LHFPL6: variants seen among roughly 807,000 people sequenced by gnomAD.
LHFPL6 encodes the protein LHFPL tetraspan subfamily member 6, also known as LHFPL tetraspan subfamily member 6 protein.
In LHFPL6, 9 loss-of-function variants were observed where a neutral mutation model predicts 20.6. The ratio of observed to expected loss-of-function variants is 0.44; its 90% CI spans 0.26 to 0.76. The LOEUF is 0.76. Among genes scored for constraint, LHFPL6 ranks in the 30% least tolerant of loss-of-function variants. The pLI is 0.20. For synonymous variants in LHFPL6, 105 were observed against 98.7 expected (o/e 1.06, Z -0.38); for missense variants, 218 against 253.5 (o/e 0.86, Z 0.95).
At position 39,343,460 on chromosome 13, in the gene LHFPL6, A is replaced by G. The variant is rs1869301229; in HGVS notation, c.*476T>C. On this transcript the variant is annotated 3_prime_UTR_variant, in exon 4 of 4. Transcript: ENST00000379589. ...CTGTATGTGCTTGTGTGCTTTTGGGAGTGCCGTGACCTACAGGGAACATCT... is the reference window on the plus strand; with the variant it reads ...CTGTATGTGCTTGTGTGCTTTTGGGGGTGCCGTGACCTACAGGGAACATCT... The G allele has an allele frequency of 1.3e-5, 3 of 232,340 alleles. No individual in the cohort carries two copies. The highest frequency in any genetic ancestry group is 3.6e-4 in the South Asian group (2 of 5,500). 14.4% of individuals were successfully genotyped at this position (232,340 alleles called of 1,614,324 possible). A position where few individuals can be genotyped will look rare whatever the true frequency, so the allele number is the denominator to read the frequency against.
chr13:39,517,996 T>G (rs1869980820), intron 2 of LHFPL6, among the ~76,000 whole-genome samples: 1 of 152,256 alleles, frequency 6.6e-6, no homozygotes, highest in Non-Finnish European at 1.5e-5. Flanking sequence ...AATAAGCTAC[T>G]GGCTGGGATT....
At chr13:39,413,355 A>T (rs1290085296) in intron 2 of LHFPL6, among the ~76,000 whole-genome samples, 1 of 152,082 alleles carries the variant, frequency 6.6e-6, no homozygotes, top group East Asian at 1.9e-4. Context: ...AAATATCCTA[A>T]TCTTTAAAGT....
At chr13:39,379,448 T>C (rs1265870363) in intron 2 of LHFPL6, among the ~76,000 whole-genome samples, 2 of 152,158 alleles carry the variant, frequency 1.3e-5, no homozygotes, top group African/African-American at 4.8e-5. Flanking sequence ...GTTGGGGAAG[T>C]GGCTTATCAG....
At position 39,343,379 on chromosome 13, in the gene LHFPL6, C is replaced by T. The variant is rs1869298466; in HGVS notation, c.*557G>A. The T allele has an allele frequency of 1.3e-5, 3 of 231,108 alleles. No homozygotes were observed. The South Asian group carries it at 5.5e-4, about 42-fold the overall frequency. 14.3% of individuals were successfully genotyped at this position (231,108 alleles called of 1,614,324 possible). ...AGAGGAGAAATGCACCACTAAACCT[C>T]CCAGTCTGTGCGATAATCCACGTTT... On this transcript the variant is annotated 3_prime_UTR_variant, in exon 4 of 4. Coordinates refer to ENST00000379589, the MANE Select transcript of LHFPL6 (RefSeq NM_005780.3).
intron 2 of LHFPL6, among the ~76,000 whole-genome samples, chr13:39,400,728 A>C (rs1870965733): frequency 8.0e-6 from 1 of 125,020 alleles, no homozygotes; most frequent in Admixed American, 1.0e-4. Context: ...GCTTGCAGTG[A>C]GCCGAGATCC....
intron 2 of LHFPL6, among the ~76,000 whole-genome samples, chr13:39,390,121 C>A (rs1479629478): frequency 6.7e-6 from 1 of 150,006 alleles, no homozygotes; most frequent in African/African-American, 2.5e-5. Flanking sequence ...AAATCAGGAG[C>A]CCCACACCAA....
chr13:39,563,091 AACACACACACACACACACACACACACAC>A (rs60324329), intron 2 of LHFPL6, among the ~76,000 whole-genome samples: 30 of 135,864 alleles, frequency 2.2e-4, no homozygotes, highest in Middle Eastern at 3.9e-3. Flanking sequence ...CAATACTAGA[AACACACACACACACACACACACACACAC>A]ACACACACAC....
rs1338895575 is a variant in LHFPL6 at position 39,601,163 on chromosome 13, A to G, written c.54T>C (p.Leu18=). 1.2e-6 allele frequency: 2 copies of G among 1,614,076 alleles called. No individual in the cohort carries two copies. The highest frequency in any genetic ancestry group is 3.3e-5 in the Admixed American group (2 of 60,020). Residue 18 remains leucine, a synonymous_variant, in exon 2 of 4, where the codon CTT becomes CTC. Transcript: ENST00000379589. ...TGVIWALLSF[L]CAATSCVGFF... ...ACCCCACGCAGGAGGTGGCAGCACA[A>G]AGAAAAGACAGCAAAGCCCAGATTA...
chr13:39,411,160 G>A (rs997592863), intron 2 of LHFPL6, among the ~76,000 whole-genome samples: 6 of 152,100 alleles, frequency 3.9e-5, no homozygotes, highest in Non-Finnish European at 7.3e-5. Context: ...CTCTATGTAC[G>A]AATATGCACA....
chr13:39,573,866 A>G (rs1002656897), intron 2 of LHFPL6, among the ~76,000 whole-genome samples: 1 of 152,136 alleles, frequency 6.6e-6, no homozygotes, highest in Non-Finnish European at 1.5e-5. Flanking sequence ...TCCTCTGTTT[A>G]TTATTTTTGA....
intron 2 of LHFPL6, among the ~76,000 whole-genome samples, chr13:39,593,538 C>T (rs564158026): frequency 1.1e-4 from 16 of 151,826 alleles, no homozygotes; most frequent in African/African-American, 3.1e-4. Flanking sequence ...GGCCATACTG[C>T]CCAAGGTAAT....
chr13:39,473,475 G>A (rs7331980), intron 2 of LHFPL6, among the ~76,000 whole-genome samples: 19,688 of 150,984 alleles, frequency 0.13, 2,657 homozygotes, highest in African/African-American at 0.33. Flanking sequence ...GAAAGCCAAC[G>A]GTAGTTCAGG....
At chr13:39,594,307 G>T (rs559602762) in intron 2 of LHFPL6, among the ~76,000 whole-genome samples, 1 of 152,254 alleles carries the variant, frequency 6.6e-6, no homozygotes, top group African/African-American at 2.4e-5. Context: ...GTGGGCGAAG[G>T]ACATGAACAG....
At chr13:39,567,938 GC>G (rs1871779258) in intron 2 of LHFPL6, among the ~76,000 whole-genome samples, 1 of 152,174 alleles carries the variant, frequency 6.6e-6, no homozygotes, top group African/African-American at 2.4e-5. Flanking sequence ...ATACCATCTG[GC>G]CCTTTACAGA....
At chr13:39,572,896 G>C (rs1489517214) in intron 2 of LHFPL6, among the ~76,000 whole-genome samples, 1 of 152,212 alleles carries the variant, frequency 6.6e-6, no homozygotes, top group African/African-American at 2.4e-5. Context: ...TGGTCTTTGG[G>C]TCACAAGGCT....
At chr13:39,549,264 C>G (rs1871076612) in intron 2 of LHFPL6, among the ~76,000 whole-genome samples, 1 of 151,996 alleles carries the variant, frequency 6.6e-6, no homozygotes, top group African/African-American at 2.4e-5. Context: ...GTTTTTACAA[C>G]AAATAATGTT....
intron 3 of LHFPL6, among the ~76,000 whole-genome samples, chr13:39,361,533 G>A (rs1226799176): frequency 6.6e-6 from 1 of 152,136 alleles, no homozygotes; most frequent in Admixed American, 6.5e-5. Flanking sequence ...GGCCAGGATG[G>A]TCTCGATCTC....
At chr13:39,586,030 T>C (rs1872437187) in intron 2 of LHFPL6, among the ~76,000 whole-genome samples, 1 of 152,090 alleles carries the variant, frequency 6.6e-6, no homozygotes, top group Non-Finnish European at 1.5e-5. Flanking sequence ...TAAATCTGTT[T>C]CCATTCCCTG....
In LHFPL6 at chr13:39,344,001, C is replaced by T. The variant is rs752162108; in HGVS notation, c.538G>A (p.Ala180Thr). ...GCCAGCCACGTGCACAGCAGCATGGCGGCAGTGGCACCTGCTCCCGTGCAG... is the reference window on the plus strand; with the variant it reads ...GCCAGCCACGTGCACAGCAGCATGGTGGCAGTGGCACCTGCTCCCGTGCAG... ...YYCTGAGATA[A>T]MLLCTWLACF... The change falls in exon 4 of 4, where the codon GCC becomes ACC. Residue 180 changes from alanine to threonine, a missense_variant. Transcript: ENST00000379589. 20 of 1,613,696 alleles carry T rather than the reference C, an allele frequency of 1.2e-5. No individual in the cohort carries two copies. The highest frequency in any genetic ancestry group is 4.4e-5 in the South Asian group (4 of 91,024).
Sources: allele counts gnomAD v4.1 joint callset (sites outside exome capture counted in the v4.1 genomes callset), GRCh38; gene constraint gnomAD v4.1.1; transcripts MANE v1.5; gene names NCBI Gene and HGNC (gene_info 2026-07-23, HGNC 2026-07-21).